Variants in SNTN observed in about 807,000 individuals in gnomAD.
SNTN encodes the protein sentan, cilia apical structure protein, also known as sentan.
SNTN carries 13 observed loss-of-function variants against 12.3 expected under a neutral mutation model. The ratio of observed to expected loss-of-function variants is 1.05; its 90% CI spans 0.69 to 1.67. The LOEUF (loss-of-function observed/expected upper bound fraction) is 1.67, where lower values mean the gene tolerates loss of function less well. Among genes scored for constraint, SNTN ranks in the 40% most tolerant of loss-of-function variants. The pLI is 0.00. For synonymous variants in SNTN, 69 were observed against 58.5 expected (o/e 1.18, Z -0.82); for missense variants, 189 against 169.8 (o/e 1.11, Z -0.63).
Position 63,664,193 on chromosome 3 carries a change from C to A in SNTN, c.*98C>A. 8.3e-7 allele frequency: 1 copy of A among 1,209,178 alleles called. No individual in the cohort carries two copies. The highest frequency in any genetic ancestry group is 1.5e-5 in the African/African-American group (1 of 64,896). The allele number at this position is 1,209,178 out of a possible 1,614,324, so 74.9% of individuals were successfully genotyped here. A position where few individuals can be genotyped will look rare whatever the true frequency, so the allele number is the denominator to read the frequency against. ...TTAATTGAATATATCTATCATGCAT[C>A]TGAAATTGCCTAGGATGGTTCTGAT... On this transcript the variant is annotated 3_prime_UTR_variant, in exon 4 of 4. Coordinates refer to ENST00000343837, the MANE Select transcript of SNTN (RefSeq NM_001080537.2).
chr3:63,654,647 C>G, intron 1 of SNTN, 115 bp from the exon 2 acceptor site: 1 of 891,548 alleles, frequency 1.1e-6, no homozygotes, highest in Non-Finnish European at 1.7e-6. Context: ...ACTAAAATCT[C>G]AGAGAATGTT....
At chr3:63,654,117 T>A (rs997694381) in intron 1 of SNTN, among the ~76,000 whole-genome samples, 8 of 152,220 alleles carry the variant, frequency 5.3e-5, no homozygotes, top group Non-Finnish European at 1.2e-4. Flanking sequence ...TTACTTTTTA[T>A]CGAGTTACCT....
intron 2 of SNTN, among the ~76,000 whole-genome samples, chr3:63,658,339 A>T (rs1487479484): frequency 6.6e-6 from 1 of 150,882 alleles, no homozygotes; most frequent in Non-Finnish European, 1.5e-5. Flanking sequence ...TTCCTCCCAG[A>T]CCCACTCTGT....
At chr3:63,662,412 A>C (rs17069229) in intron 3 of SNTN, among the ~76,000 whole-genome samples, 12,125 of 152,264 alleles carry the variant, frequency 0.08, 684 homozygotes, top group South Asian at 0.16. Context: ...AGTCAGATAG[A>C]ATTTTAAAAA....
rs773886810 is a variant in SNTN at position 63,664,837 on chromosome 3, C to T, written c.*742C>T. Reference sequence around the variant, plus strand: ...GCACGATCTCAGCTTACTGCAACCTCGATCTCCCAGGTTCAAGTGATTCTC... The same window carrying T: ...GCACGATCTCAGCTTACTGCAACCTTGATCTCCCAGGTTCAAGTGATTCTC... On this transcript the variant is annotated 3_prime_UTR_variant, in exon 4 of 4. Coordinates refer to ENST00000343837, the MANE Select transcript of SNTN (RefSeq NM_001080537.2). 3.3e-5 allele frequency: 5 copies of T among 152,264 alleles called. No individual in the cohort carries two copies. Among genetic ancestry groups the T allele is most frequent in the Middle Eastern group, 3.4e-3 (1 of 294 alleles). The allele number at this position is 152,264 out of a possible 1,614,324, so 9.4% of individuals were successfully genotyped here. A position where few individuals can be genotyped will look rare whatever the true frequency, so the allele number is the denominator to read the frequency against.
At chr3:63,662,140 C>A (rs1217362883) in intron 3 of SNTN, among the ~76,000 whole-genome samples, 1 of 152,144 alleles carries the variant, frequency 6.6e-6, no homozygotes, top group Non-Finnish European at 1.5e-5. Context: ...CATTCCAAGG[C>A]ATTCTCTGCA....
chr3:63,659,952 C>A, intron 3 of SNTN, 88 bp downstream of exon 3: 2 of 1,483,934 alleles, frequency 1.3e-6, no homozygotes, highest in Non-Finnish European at 1.8e-6. Context: ...AGGTCCCTGT[C>A]ATGTTGTCTC....
rs966537392 is a variant in SNTN, at chr3:63,657,474, T to C, written c.146-2251T>C. On this transcript the variant is annotated intron_variant, in intron 2 of 3. Transcript: ENST00000343837. ...GTTTATTAAGGGAAGAATCCAACCATAAAAACAGGAAACTAAAACGCCTCA... is the reference window on the plus strand; with the variant it reads ...GTTTATTAAGGGAAGAATCCAACCACAAAAACAGGAAACTAAAACGCCTCA... Among the ~76,000 whole-genome samples the C allele has an allele frequency of 3.3e-5, 5 of 152,176 alleles. No individual in the cohort carries two copies. In the South Asian group the frequency reaches 8.3e-4, roughly 25 times the overall value.
chr3:63,654,630 C>T, intron 1 of SNTN, 132 bp from the exon 2 acceptor site: 1 of 728,082 alleles, frequency 1.4e-6, no homozygotes, highest in Non-Finnish European at 2.2e-6. Flanking sequence ...ACACAGATGG[C>T]TGCTCCACTA....
chr3:63,664,909 T>C lies in SNTN; in HGVS notation c.*814T>C, dbSNP rs185563745. On this transcript the variant is annotated 3_prime_UTR_variant, in exon 4 of 4. Transcript: ENST00000343837. ...CTGGGATTACAGGCGTGTGCCACGATGCCAGGCTAATTTTTTTTGTATTTT... is the reference window on the plus strand; with the variant it reads ...CTGGGATTACAGGCGTGTGCCACGACGCCAGGCTAATTTTTTTTGTATTTT... 1.2e-3 allele frequency among the ~76,000 whole-genome samples: 176 copies of C among 152,130 alleles called. No homozygotes were observed. Among genetic ancestry groups the C allele is most frequent in the Non-Finnish European group, 2.2e-3 (148 of 67,972 alleles).
chr3:63,663,669 C>G, intron 3 of SNTN: 1 of 525,510 alleles, frequency 1.9e-6, no homozygotes. Flanking sequence ...TGCCCCCTCT[C>G]TTGCTGTGTG....
chr3:63,655,438 A>G (rs1700667634), intron 2 of SNTN, among the ~76,000 whole-genome samples: 1 of 152,196 alleles, frequency 6.6e-6, no homozygotes, highest in South Asian at 2.1e-4. Flanking sequence ...CAAACTCTCC[A>G]AAAGAGACTC....
chr3:63,661,414 T>C (rs992731738), intron 3 of SNTN, among the ~76,000 whole-genome samples: 6 of 152,188 alleles, frequency 3.9e-5, no homozygotes, highest in African/African-American at 1.4e-4. Context: ...ATGGTTTCAG[T>C]GCACTACAGT....
At chr3:63,660,903 G>A (rs1179942854) in intron 3 of SNTN, among the ~76,000 whole-genome samples, 1 of 152,156 alleles carries the variant, frequency 6.6e-6, no homozygotes, top group Non-Finnish European at 1.5e-5. Context: ...CTGGCCTAAA[G>A]GTTACTACCT....
chr3:63,655,762 G>A (rs942597714), intron 2 of SNTN, among the ~76,000 whole-genome samples: 1 of 152,148 alleles, frequency 6.6e-6, no homozygotes, highest in Non-Finnish European at 1.5e-5. Context: ...TCCCCAGAAT[G>A]TATTTTATTT....
At chr3:63,656,626 C>G (rs1700682055) in intron 2 of SNTN, among the ~76,000 whole-genome samples, 1 of 152,120 alleles carries the variant, frequency 6.6e-6, no homozygotes. Flanking sequence ...AAGTGGCCAT[C>G]TATCAGAAAT....
In SNTN at chr3:63,659,577, G is replaced by A. The variant is rs1007691658; in HGVS notation, c.146-148G>A. The A allele has an allele frequency of 1.3e-5, 10 of 792,730 alleles. No individual in the cohort carries two copies. The African/African-American group carries it at 1.4e-4, about 11-fold the overall frequency. 49.1% of individuals were successfully genotyped at this position (792,730 alleles called of 1,614,324 possible). On this transcript the variant is annotated intron_variant, in intron 2 of 3. Coordinates refer to ENST00000343837, the MANE Select transcript of SNTN (RefSeq NM_001080537.2). ...CTCGGTTGTTTAAAGATGCAGGATT[G>A]GAAACTCCCACATCCTTCTCCCAGA...
chr3:63,664,086 TATGAA>T lies in SNTN; in HGVS notation c.441_*1del, dbSNP rs766298416. 2 of 1,606,150 alleles carry T rather than the reference TATGAA, an allele frequency of 1.2e-6. No homozygotes were observed. Among genetic ancestry groups the T allele is most frequent in the Non-Finnish European group, 1.7e-6 (2 of 1,176,990 alleles). On this transcript the variant is annotated frameshift_variant, in exon 4 of 4. Coordinates refer to ENST00000343837, the MANE Select transcript of SNTN (RefSeq NM_001080537.2). LOFTEE classifies it high-confidence loss of function. ...TACAAAATATACGGAATGTAAAAAT[TATGAA>T]ATGAACAGTTTTAAATATGCTGTAT...
intron 1 of SNTN, 139 bp from the exon 2 acceptor site, chr3:63,654,623 C>A: frequency 1.4e-6 from 1 of 698,630 alleles, no homozygotes. Context: ...TTTTGAAACA[C>A]AGATGGCTGC....
Sources: allele counts gnomAD v4.1 joint callset (sites outside exome capture counted in the v4.1 genomes callset), GRCh38; gene constraint gnomAD v4.1.1; transcripts MANE v1.5; gene names NCBI Gene and HGNC (gene_info 2026-07-23, HGNC 2026-07-21).